The following ATG10 variants were observed in gnomAD, a reference collection of about 807,000 sequenced individuals.
ATG10 encodes the protein ubiquitin-like-conjugating enzyme ATG10.
Under a neutral mutation model 32.1 loss-of-function variants are expected in ATG10, and 30 were observed. That is an observed-to-expected ratio of 0.94 (90% CI 0.70 to 1.27). The LOEUF is 1.27. Among genes scored for constraint, ATG10 ranks in the 50% most tolerant of loss-of-function variants. The probability of loss-of-function intolerance (pLI) is 0.00; values close to 1 mark genes in which losing one functional copy is unlikely to be tolerated. For synonymous variants in ATG10, 87 were observed against 91.5 expected (o/e 0.95, Z 0.28); for missense variants, 233 against 262.3 (o/e 0.89, Z 0.77).
At chr5:82,078,115 G>T (rs763968876) in intron 3 of ATG10, among the ~76,000 whole-genome samples, 6 of 152,124 alleles carry the variant, frequency 3.9e-5, no homozygotes, top group Non-Finnish European at 5.9e-5. Context: ...GAGATTCTAT[G>T]ATTTATATTT....
At chr5:82,138,968 T>A (rs1766905716) in intron 3 of ATG10, among the ~76,000 whole-genome samples, 1 of 149,036 alleles carries the variant, frequency 6.7e-6, no homozygotes, top group Admixed American at 6.7e-5. Context: ...TTCTCCTGCC[T>A]CAGTCTGCCA....
chr5:82,146,125 A>G (rs532686755), intron 3 of ATG10, among the ~76,000 whole-genome samples: 1 of 152,266 alleles, frequency 6.6e-6, no homozygotes, highest in Admixed American at 6.5e-5. Flanking sequence ...TTGTTTCTAT[A>G]GTACAGGCCT....
chr5:82,081,314 T>C (rs2149781942), intron 3 of ATG10, among the ~76,000 whole-genome samples: 2 of 152,340 alleles, frequency 1.3e-5, no homozygotes, highest in South Asian at 4.1e-4. Context: ...ACAGGGACAA[T>C]TTGACTTCCT....
intron 3 of ATG10, among the ~76,000 whole-genome samples, chr5:82,095,501 A>G (rs557961974): frequency 8.5e-5 from 13 of 152,336 alleles, no homozygotes; most frequent in African/African-American, 3.1e-4. Context: ...TGGTGCAATT[A>G]GCAAATACTA....
chr5:82,081,313 A>G (rs1173730880), intron 3 of ATG10, among the ~76,000 whole-genome samples: 5 of 152,214 alleles, frequency 3.3e-5, no homozygotes, highest in Non-Finnish European at 7.3e-5. Context: ...AACAGGGACA[A>G]TTTGACTTCC....
At chr5:81,977,293 C>T (rs1435586595) in intron 1 of ATG10, among the ~76,000 whole-genome samples, 3 of 152,194 alleles carry the variant, frequency 2.0e-5, no homozygotes. Context: ...GTTAAATTCT[C>T]TAGACTTTGT....
intron 5 of ATG10, among the ~76,000 whole-genome samples, chr5:82,200,713 A>G (rs1745037002): frequency 6.6e-6 from 1 of 150,838 alleles, no homozygotes; most frequent in African/African-American, 2.4e-5. Flanking sequence ...GGGTTTTGAC[A>G]GTTCTTTACG....
intron 3 of ATG10, among the ~76,000 whole-genome samples, chr5:82,109,188 C>T (rs921636813): frequency 6.6e-6 from 1 of 151,998 alleles, no homozygotes; most frequent in African/African-American, 2.4e-5. Context: ...ATGCCTTGTT[C>T]CTCAATCAGC....
intron 3 of ATG10, among the ~76,000 whole-genome samples, chr5:82,085,490 G>C (rs958169357): frequency 1.5e-4 from 20 of 137,304 alleles, no homozygotes; most frequent in Non-Finnish European, 2.3e-4. Context: ...GGCCTGTCAT[G>C]GGATCGGGGG....
chr5:82,188,409 A>G (rs921009019), intron 5 of ATG10, among the ~76,000 whole-genome samples: 2 of 152,180 alleles, frequency 1.3e-5, no homozygotes, highest in Non-Finnish European at 2.9e-5. Flanking sequence ...TGGAATTACT[A>G]TTTCTTGAAA....
intron 5 of ATG10, among the ~76,000 whole-genome samples, chr5:82,233,501 C>A (rs902562253): frequency 2.6e-5 from 4 of 152,018 alleles, no homozygotes; most frequent in African/African-American, 9.7e-5. Flanking sequence ...TCTTGTTTAC[C>A]CTCTTACAGC....
intron 1 of ATG10, among the ~76,000 whole-genome samples, chr5:81,972,858 G>A (rs1760764185): frequency 6.6e-6 from 1 of 152,132 alleles, no homozygotes; most frequent in South Asian, 2.1e-4. Context: ...GAAACTTTTA[G>A]TGGCGGTAAA....
rs1303736155 is a variant in ATG10, at chr5:82,163,182, T to C, written c.217-1217T>C. On this transcript the variant is annotated intron_variant, in intron 3 of 7. Transcript: ENST00000282185. Reference sequence around the variant, plus strand: ...GTGAAAATTTAAAAAGAAAACAAAATAGAAAAATCTTTTTCTTGCTACTGT... The same window carrying C: ...GTGAAAATTTAAAAAGAAAACAAAACAGAAAAATCTTTTTCTTGCTACTGT... 6.6e-5 allele frequency among the ~76,000 whole-genome samples: 10 copies of C among 152,284 alleles called. No individual in the cohort carries two copies. In the East Asian group the frequency reaches 1.9e-3, roughly 29 times the overall value.
At chr5:82,062,235 T>G (rs1763807951) in intron 3 of ATG10, among the ~76,000 whole-genome samples, 1 of 151,634 alleles carries the variant, frequency 6.6e-6, no homozygotes, top group Non-Finnish European at 1.5e-5. Flanking sequence ...TTGCAGGGAG[T>G]TTTTAGTAGT....
At chr5:82,069,615 G>T (rs1335163761) in intron 3 of ATG10, among the ~76,000 whole-genome samples, 2 of 152,122 alleles carry the variant, frequency 1.3e-5, no homozygotes, top group Admixed American at 1.3e-4. Context: ...GCCAGAAACT[G>T]ATATCGCTTG....
At chr5:82,006,056 A>T (rs1761979407) in intron 2 of ATG10, among the ~76,000 whole-genome samples, 1 of 152,188 alleles carries the variant, frequency 6.6e-6, no homozygotes, top group African/African-American at 2.4e-5. Context: ...TAAAAATTTT[A>T]AATTTCATTT....
intron 3 of ATG10, among the ~76,000 whole-genome samples, chr5:82,129,244 C>CT (rs1391410466): frequency 6.6e-6 from 1 of 151,846 alleles, no homozygotes; most frequent in Non-Finnish European, 1.5e-5. Flanking sequence ...AGCAATTTCT[C>CT]TAACCATTTT....
At chr5:82,137,669 C>T (rs1766820479) in intron 3 of ATG10, among the ~76,000 whole-genome samples, 1 of 152,198 alleles carries the variant, frequency 6.6e-6, no homozygotes, top group Non-Finnish European at 1.5e-5. Flanking sequence ...TGGGAAGTGC[C>T]TCCCAGTGAG....
At chr5:82,253,783 C>T (rs558957203) in intron 7 of ATG10, among the ~76,000 whole-genome samples, 6 of 152,230 alleles carry the variant, frequency 3.9e-5, no homozygotes, top group Admixed American at 3.3e-4. Context: ...CTAGGTTGCG[C>T]GCTCCTTATG....
Sources: allele counts gnomAD v4.1 joint callset (sites outside exome capture counted in the v4.1 genomes callset), GRCh38; gene constraint gnomAD v4.1.1; transcripts MANE v1.5; gene names NCBI Gene and HGNC (gene_info 2026-07-23, HGNC 2026-07-21).